ZP4: variants seen among roughly 807,000 people sequenced by gnomAD.
ZP4 encodes zona pellucida glycoprotein 4.
Under a neutral mutation model 62.3 loss-of-function variants are expected in ZP4, and 62 were observed. That is an observed-to-expected ratio of 0.99 (90% CI 0.81 to 1.23). The LOEUF (loss-of-function observed/expected upper bound fraction) is 1.23, where lower values mean the gene tolerates loss of function less well. ZP4 is among the 50% of genes most tolerant of loss of function. ZP4 has a pLI of 0.00. For missense variants in ZP4, 774 were observed against 656.0 expected (o/e 1.18, Z -1.97); for synonymous variants, 289 against 247.3 (o/e 1.17, Z -1.58).
Position 237,882,427 on chromosome 1 carries a change from G to A in ZP4, c.1618C>T (p.Gln540Ter). ...GCTGGGAATACACTCTGGTTTTATT[G>A]ACACATTTGGTCTGGGCAACTCTTC... is the stretch of plus-strand genomic sequence containing the variant. Reference protein sequence around the residue: ...KQKSCPDQMCQ With the variant: ...KQKSCPDQMC The change falls in exon 12 of 12, where the codon CAA becomes TAA. Residue 540 changes from glutamine to a stop codon, truncating the protein, a stop_gained. Transcript: ENST00000366570. LOFTEE classifies it high-confidence loss of function. 6.2e-7 allele frequency: 1 copy of A among 1,610,258 alleles called. No individual in the cohort carries two copies. The highest frequency in any genetic ancestry group is 8.5e-7 in the Non-Finnish European group (1 of 1,179,248).
chr1:237,889,733 G>T (rs1355206605), intron 3 of ZP4, 134 bp downstream of exon 3: 1 of 804,718 alleles, frequency 1.2e-6, no homozygotes. Context: ...GCCCATGGAG[G>T]TGAGAGTTGG....
In ZP4 at chr1:237,886,802, G is replaced by A. The variant is rs367738455; in HGVS notation, c.808C>T (p.Arg270Cys). 1.2e-5 allele frequency: 20 copies of A among 1,613,820 alleles called. No individual in the cohort carries two copies. Among genetic ancestry groups the A allele is most frequent in the Middle Eastern group, 3.3e-4 (2 of 6,080 alleles). The part of the protein sequence containing the change: ...VATRDVKNGS[R>C]GSVTRDSIFR... ...ATGCTGTCACGAGTGACAGAGCCAC[G>A]GCTCCCATTTTTCACATCCCTAGTT... Residue 270 changes from arginine (R) to cysteine (C), a missense_variant, in exon 6 of 12, where the codon CGT becomes TGT. By Grantham distance (180) the Arg-to-Cys change is radical. Transcript: ENST00000366570.
chr1:237,887,289 G>T, intron 5 of ZP4, 85 bp downstream of exon 5: 1 of 1,483,256 alleles, frequency 6.7e-7, no homozygotes, highest in Non-Finnish European at 9.2e-7. Context: ...ATCGTTCACG[G>T]CCAACATATT....
At chr1:237,887,301 C>T in intron 5 of ZP4, 73 bp downstream of exon 5, 1 of 1,532,200 alleles carries the variant, frequency 6.5e-7, no homozygotes, top group South Asian at 1.2e-5. Context: ...CAACATATTT[C>T]AGCTCTCCCC....
At chr1:237,883,507 G>A (rs1217038511) in intron 10 of ZP4, among the ~76,000 whole-genome samples, 2 of 151,020 alleles carry the variant, frequency 1.3e-5, no homozygotes, top group Non-Finnish European at 2.9e-5. Context: ...CTAAGGTCAG[G>A]AGTTCAAGAC....
intron 10 of ZP4, among the ~76,000 whole-genome samples, chr1:237,883,381 G>A (rs1195301732): frequency 6.6e-6 from 1 of 151,438 alleles, no homozygotes; most frequent in Admixed American, 6.6e-5. Flanking sequence ...TCTGGAGTTT[G>A]AGACCAGCCC....
chr1:237,888,449 A>T lies in ZP4; in HGVS notation c.462T>A (p.Cys154Ter). The part of the protein sequence containing the change: ...DSIPARDRLP[C>*]APSPISRGDC... The stretch of plus-strand genomic sequence containing the variant: ...CTCCTCGAGAGATGGGTGAAGGTGC[A>T]CATGGCAGTCTGTCCCGTGCTGGGA... Residue 154 changes from cysteine to a stop codon, truncating the protein, a stop_gained, in exon 4 of 12, where the codon TGT (cysteine) becomes TGA (stop). Transcript: ENST00000366570. LOFTEE classifies it high-confidence loss of function. 6.2e-7 allele frequency: 1 copy of T among 1,612,602 alleles called. No individual in the cohort carries two copies.
chr1:237,884,118 A>G (rs968241473), intron 10 of ZP4, among the ~76,000 whole-genome samples: 4 of 151,690 alleles, frequency 2.6e-5, no homozygotes, highest in Non-Finnish European at 2.9e-5. Flanking sequence ...TTTTAATTCT[A>G]CTTCTATTTG....
At chr1:237,889,844 C>T in intron 3 of ZP4, 23 bp downstream of exon 3, 8 of 1,157,560 alleles carry the variant, frequency 6.9e-6, no homozygotes, top group Non-Finnish European at 1.0e-5. Context: ...CCCCACAAGA[C>T]CCTGAGAGCT....
chr1:237,885,153 G>T lies in ZP4; in HGVS notation c.1311+12C>A, dbSNP rs201485611. The T allele has an allele frequency of 6.2e-7, 1 of 1,611,800 alleles. No homozygotes were observed. The highest frequency in any genetic ancestry group is 1.1e-5 in the South Asian group (1 of 90,806). ...AGAGCCCTGGTGAGTGTCATGGAAG[G>T]GAACATCCTACCGGTCCCCTGAGGG... On this transcript the variant is annotated intron_variant, in intron 9 of 11. Coordinates refer to ENST00000366570, the MANE Select transcript of ZP4 (RefSeq NM_021186.5).
chr1:237,888,263 A>G (rs1665153605), intron 4 of ZP4, 95 bp downstream of exon 4: 15 of 1,346,000 alleles, frequency 1.1e-5, no homozygotes, highest in Non-Finnish European at 1.5e-5. Flanking sequence ...GCCTGCTATC[A>G]CTTGATGTTT....
chr1:237,888,215 T>C (rs1202635343), intron 4 of ZP4, 143 bp downstream of exon 4: 4 of 741,450 alleles, frequency 5.4e-6, no homozygotes, highest in African/African-American at 1.8e-5. Flanking sequence ...GTCTGTTACA[T>C]TGGGATCAAG....
At chr1:237,888,133 A>G (rs1665149836) in intron 4 of ZP4, among the ~76,000 whole-genome samples, 1 of 152,250 alleles carries the variant, frequency 6.6e-6, no homozygotes, top group South Asian at 2.1e-4. Flanking sequence ...TATCTGGCAC[A>G]TAGCCTTCAA....
At chr1:237,882,696 A>G in intron 11 of ZP4, 46 bp downstream of exon 11, 1 of 1,601,206 alleles carries the variant, frequency 6.2e-7, no homozygotes, top group Non-Finnish European at 8.5e-7. Flanking sequence ...TGCTTTGATT[A>G]GTAATTTAGT....
At position 237,888,426 on chromosome 1, in the gene ZP4, C is replaced by G; in HGVS notation, c.485G>C (p.Gly162Ala). The part of the protein sequence containing the change: ...LPCAPSPISR[G>A]DCEGLGCCYS... ...ACAACAGCCTAGCCCTTCACAGTCT[C>G]CTCGAGAGATGGGTGAAGGTGCACA... Residue 162 changes from glycine to alanine, a missense_variant, in exon 4 of 12, where the codon GGA becomes GCA. Gly to Ala is a moderately conservative substitution (Grantham distance 60). Coordinates refer to ENST00000366570, the MANE Select transcript of ZP4 (RefSeq NM_021186.5). 1 of 1,612,406 alleles carries G rather than the reference C, an allele frequency of 6.2e-7. No individual in the cohort carries two copies. The highest frequency in any genetic ancestry group is 8.5e-7 in the Non-Finnish European group (1 of 1,178,914).
rs944234493 is a variant in ZP4, at chr1:237,887,639, G to T, written c.554-78C>A. Reference sequence around the variant, plus strand: ...AACCAGATGAAAGTCTAACCACTTAGTTACTTTTAATCCCACTGAGAAGCT... The same window carrying T: ...AACCAGATGAAAGTCTAACCACTTATTTACTTTTAATCCCACTGAGAAGCT... On this transcript the variant is annotated intron_variant, in intron 4 of 11. Coordinates refer to ENST00000366570, the MANE Select transcript of ZP4 (RefSeq NM_021186.5). 6 of 1,463,244 alleles carry T rather than the reference G, an allele frequency of 4.1e-6. No individual in the cohort carries two copies. The Admixed American group carries it at 1.3e-4, about 31-fold the overall frequency. 90.6% of individuals were successfully genotyped at this position (1,463,244 alleles called of 1,614,324 possible). A position where few individuals can be genotyped will look rare whatever the true frequency, so the allele number is the denominator to read the frequency against.
chr1:237,886,651 GA>G, intron 6 of ZP4, 119 bp downstream of exon 6: 1 of 781,558 alleles, frequency 1.3e-6, no homozygotes. Context: ...TGCAATTGGT[GA>G]ACCAAGGTAG....
intron 1 of ZP4, 105 bp from the exon 2 acceptor site, chr1:237,890,281 G>T: frequency 6.4e-7 from 1 of 1,558,518 alleles, no homozygotes; most frequent in Non-Finnish European, 8.8e-7. Flanking sequence ...GTCAATAAGA[G>T]GAACAAGAGG....
Position 237,884,758 on chromosome 1 carries a change from T to C in ZP4, c.1390+11A>G. The C allele has an allele frequency of 6.2e-7, 1 of 1,612,418 alleles. No individual in the cohort carries two copies. Among genetic ancestry groups the C allele is most frequent in the Non-Finnish European group, 8.5e-7 (1 of 1,179,128 alleles). On this transcript the variant is annotated intron_variant, in intron 10 of 11. Coordinates refer to ENST00000366570, the MANE Select transcript of ZP4 (RefSeq NM_021186.5). Reference sequence around the variant, plus strand: ...CATTCAAATCTGTCCTCTAACAGCTTGGTTACTCACGACTGAGATCAGGAC... The same window carrying C: ...CATTCAAATCTGTCCTCTAACAGCTCGGTTACTCACGACTGAGATCAGGAC...
Sources: gnomAD v4.1 joint callset for allele counts (sites outside exome capture counted in the v4.1 genomes callset) on GRCh38, gnomAD v4.1.1 for gene constraint, MANE v1.5 for transcripts, NCBI Gene and HGNC (gene_info 2026-07-23, HGNC 2026-07-21) for gene names.